SAGE1: variants seen among roughly 807,000 people sequenced by gnomAD.
The protein encoded by SAGE1 is sarcoma antigen 1.
Under a neutral mutation model 55.4 loss-of-function variants are expected in SAGE1, and 55 were observed. The observed-to-expected ratio is 0.99, with a 90% CI of 0.80 to 1.24. The LOEUF is 1.24. Ranked by LOEUF, SAGE1 falls within the 50% of genes most tolerant of loss-of-function variation. The pLI, the probability that SAGE1 is intolerant of heterozygous loss-of-function variation, is 0.00. For synonymous variants in SAGE1, 240 were observed against 244.3 expected, an observed-to-expected ratio of 0.98 and a Z score of 0.17; for missense variants, 710 against 704.4, an observed-to-expected ratio of 1.01 and a Z score of -0.09.
In SAGE1 at chrX:135,907,083, A is replaced by G; in HGVS notation, c.877+17A>G. ...ATGGCCTGTGTATGTTTGCTTGTTA[A>G]TTGGATTATCCTGCTTGGTTTCCAT... is the stretch of plus-strand genomic sequence containing the variant. On this transcript the variant is annotated intron_variant, in intron 8 of 19. Transcript: ENST00000370709. The G allele has an allele frequency of 8.3e-7, 1 of 1,199,781 alleles. No individual in the cohort carries two copies. Among genetic ancestry groups the G allele is most frequent in the Non-Finnish European group, 1.1e-6 (1 of 888,098 alleles).
intron 1 of SAGE1, among the ~76,000 whole-genome samples, chrX:135,894,165 C>T (rs1259004949): frequency 2.7e-5 from 3 of 111,916 alleles, no homozygotes; most frequent in African/African-American, 9.8e-5. Context: ...CTCCGCCTCC[C>T]GGGTTCAAGT....
At chrX:135,901,141 T>TAAAAA (rs10604197) in intron 2 of SAGE1, among the ~76,000 whole-genome samples, 1 of 48,830 alleles carries the variant, frequency 2.0e-5, no homozygotes, top group Non-Finnish European at 3.5e-5. Flanking sequence ...AGACTCCGTC[T>TAAAAA]AAAAAAAAAA....
intron 5 of SAGE1, 41 bp downstream of exon 5, chrX:135,905,433 A>G (rs782331799): frequency 9.0e-7 from 1 of 1,107,001 alleles, no homozygotes; most frequent in African/African-American, 1.8e-5. Flanking sequence ...CTTGTTTTCC[A>G]TAAGCATGGA....
intron 2 of SAGE1, among the ~76,000 whole-genome samples, chrX:135,901,312 A>G (rs1556596498): frequency 1.8e-5 from 2 of 111,315 alleles, no homozygotes; most frequent in African/African-American, 6.5e-5. Context: ...CTGATTTATC[A>G]TGACTGTACC....
intron 2 of SAGE1, 54 bp from the exon 3 acceptor site, chrX:135,901,505 C>A: frequency 2.6e-6 from 3 of 1,152,579 alleles, no homozygotes; most frequent in Middle Eastern, 5.1e-4. Context: ...AAGACTGTGA[C>A]TTTGCAGTGG....
intron 6 of SAGE1, 112 bp from the exon 7 acceptor site, chrX:135,906,299 T>C (rs2088787724): frequency 5.5e-6 from 6 of 1,084,916 alleles, no homozygotes; most frequent in African/African-American, 1.9e-5. Flanking sequence ...CCACCTGATA[T>C]ATCCTACTGC....
intron 2 of SAGE1, among the ~76,000 whole-genome samples, chrX:135,896,536 T>C (rs782663448): frequency 9.7e-6 from 1 of 102,861 alleles, no homozygotes; most frequent in Non-Finnish European, 2.0e-5. Context: ...TATTTTATTT[T>C]ATTTTATTTT....
Position 135,912,355 on chromosome X carries a change from A to G in SAGE1, c.2556A>G (p.Val852=). ...GAATTTTCATTTTGCTTGAAGAGGT[A>G]CAAGGATCTATGAAAGTCAAGAGAC... ...YERIFILLEE[V]QGSMKVKRQF... is the part of the protein sequence containing the mutation. The change falls in exon 19 of 20, where the codon GTA becomes GTG. Residue 852 remains valine (V), a synonymous_variant. Transcript: ENST00000370709. The G allele has an allele frequency of 2.5e-6, 3 of 1,202,215 alleles. No individual in the cohort carries two copies. Among genetic ancestry groups the G allele is most frequent in the Non-Finnish European group, 3.4e-6 (3 of 892,462 alleles).
At chrX:135,907,212 T>C in intron 8 of SAGE1, 101 bp from the exon 9 acceptor site, 1 of 1,074,065 alleles carries the variant, frequency 9.3e-7, no homozygotes, top group Non-Finnish European at 1.3e-6. Context: ...GTCCTCCTGC[T>C]TTATGCAATA....
chrX:135,901,222 A>G (rs1380861032), intron 2 of SAGE1, among the ~76,000 whole-genome samples: 2 of 110,611 alleles, frequency 1.8e-5, no homozygotes, highest in African/African-American at 6.6e-5. Flanking sequence ...GGGCTGAGAC[A>G]AAATGATGTG....
chrX:135,898,184 A>AT (rs782203496), intron 2 of SAGE1, among the ~76,000 whole-genome samples: 300 of 109,750 alleles, frequency 2.7e-3, no homozygotes, highest in African/African-American at 9.6e-3. Context: ...CACCTGGCTA[A>AT]TTTTTTTTGT....
Position 135,907,406 on chromosome X carries a change from T to A in SAGE1, c.971T>A (p.Ile324Asn). The A allele has an allele frequency of 8.3e-7, 1 of 1,208,545 alleles. No homozygotes were observed. The highest frequency in any genetic ancestry group is 1.1e-6 in the Non-Finnish European group (1 of 892,906). ...NVLSTVQPVI[I>N]YLTATGIPGM... ...TTGTCAACTGTTCAACCAGTGATTA[T>A]TTATTTGACAGCAACTGGTATTCCG... is the stretch of plus-strand genomic sequence containing the variant. The change falls in exon 9 of 20, where the codon ATT (isoleucine) becomes AAT (asparagine). Residue 324 changes from isoleucine to asparagine, a missense_variant. By Grantham distance (149) the Ile-to-Asn change is moderately radical. Transcript: ENST00000370709.
intron 3 of SAGE1, 51 bp downstream of exon 3, chrX:135,901,742 A>G: frequency 4.5e-6 from 5 of 1,109,943 alleles, no homozygotes; most frequent in Non-Finnish European, 2.4e-6. Context: ...GGACATTTGT[A>G]GTCATGTCCT....
chrX:135,896,207 G>A, intron 1 of SAGE1, 36 bp from the exon 2 acceptor site: 2 of 1,012,854 alleles, frequency 2.0e-6, no homozygotes, highest in Non-Finnish European at 2.8e-6. Flanking sequence ...AAGTGTTCTA[G>A]TAACACACAT....
In SAGE1 at chrX:135,908,767, G is replaced by C. The variant is rs2088843341; in HGVS notation, c.1442-97G>C. The C allele has an allele frequency of 9.3e-6, 10 of 1,077,204 alleles. No individual in the cohort carries two copies. The Admixed American group carries it at 2.4e-4, about 26-fold the overall frequency. 88.8% of individuals were successfully genotyped at this position (1,077,204 alleles called of 1,213,427 possible). ...CATATGATGTATTATCCTGCTTTAT[G>C]GGATAATTTTCTAAAAATTCATCAT... On this transcript the variant is annotated intron_variant, in intron 12 of 19. Transcript: ENST00000370709.
intron 4 of SAGE1, among the ~76,000 whole-genome samples, chrX:135,904,915 C>A (rs1168381573): frequency 9.0e-6 from 1 of 111,260 alleles, no homozygotes; most frequent in Non-Finnish European, 1.9e-5. Context: ...AATGGTCAAC[C>A]CCAACGAGAT....
intron 2 of SAGE1, among the ~76,000 whole-genome samples, chrX:135,901,158 A>G (rs2088670941): frequency 9.1e-6 from 1 of 109,544 alleles, no homozygotes; most frequent in Admixed American, 9.8e-5. Flanking sequence ...AAAAAAAAAA[A>G]AAAAAAGCAC....
chrX:135,899,503 A>C lies in SAGE1; in HGVS notation c.88-2056A>C, dbSNP rs574746794. 1.7e-4 allele frequency among the ~76,000 whole-genome samples: 19 copies of C among 111,953 alleles called. 1 individual carries two copies. In the South Asian group the frequency reaches 6.4e-3, roughly 38 times the overall value. ...TCTTTTTTCGTTCCATATGCATTTT[A>C]AAATAGCTCCTTCTAACTTGGTGAA... On this transcript the variant is annotated intron_variant, in intron 2 of 19. Coordinates refer to ENST00000370709, the MANE Select transcript of SAGE1 (RefSeq NM_001381902.1).
At chrX:135,898,314 C>A (rs1225945534) in intron 2 of SAGE1, among the ~76,000 whole-genome samples, 1 of 112,250 alleles carries the variant, frequency 8.9e-6, no homozygotes, top group Non-Finnish European at 1.9e-5. Flanking sequence ...CCACCGCACC[C>A]GGCCGATCTC....
Sources: allele counts gnomAD v4.1 joint callset (sites outside exome capture counted in the v4.1 genomes callset), GRCh38; gene constraint gnomAD v4.1.1; transcripts MANE v1.5; gene names NCBI Gene and HGNC (gene_info 2026-07-23, HGNC 2026-07-21).